The following ARHGAP31 variants were observed in gnomAD, a reference collection of about 807,000 sequenced individuals.
The protein encoded by ARHGAP31 is rho GTPase-activating protein 31.
In ARHGAP31, 34 loss-of-function variants were observed where a neutral mutation model predicts 113.9. That is an observed-to-expected ratio of 0.30 (90% confidence interval 0.23 to 0.40). ARHGAP31 has a LOEUF of 0.40. Ranked by LOEUF, ARHGAP31 falls within the 10% of genes least tolerant of loss-of-function variation. The probability of loss-of-function intolerance (pLI) is 1.00; values close to 1 mark genes in which losing one functional copy is unlikely to be tolerated. For missense variants in ARHGAP31, 1,548 were observed against 1,767.1 expected, an observed-to-expected ratio of 0.88 and a Z score of 2.22; for synonymous variants, 650 against 684.8, an observed-to-expected ratio of 0.95 and a Z score of 0.79.
At chr3:119,317,230 G>C (rs2079740675) in intron 1 of ARHGAP31, among the ~76,000 whole-genome samples, 1 of 151,504 alleles carries the variant, frequency 6.6e-6, no homozygotes. Flanking sequence ...CCAGGCTGGA[G>C]TGCAGTGGCG....
rs930662612 is a variant in ARHGAP31, at chr3:119,391,608, C to T, written c.881+625C>T. 1.3e-3 allele frequency among the ~76,000 whole-genome samples: 183 copies of T among 140,846 alleles called. 2 individuals are homozygous for T. The highest frequency in any genetic ancestry group is 4.9e-3 in the African/African-American group (175 of 36,004). The allele number at this position is 140,846 out of a possible 152,430, so 92.4% of individuals were successfully genotyped here. ...GTCTCTACCCCCCCCTCCCCCCCGC[C>T]GTCACTCATATCCCATAGTAGAAAG... On this transcript the variant is annotated intron_variant, in intron 7 of 11. Transcript: ENST00000264245.
chr3:119,332,653 ACACACACACACACACACACACACG>A (rs1419595321), intron 1 of ARHGAP31, among the ~76,000 whole-genome samples: 1 of 149,828 alleles, frequency 6.7e-6, no homozygotes, highest in African/African-American at 2.5e-5. Context: ...ACACACACAC[ACACACACACACACACACACACACG>A]CATGCACGCA....
At chr3:119,360,555 G>A (rs2080196812) in intron 1 of ARHGAP31, among the ~76,000 whole-genome samples, 1 of 152,180 alleles carries the variant, frequency 6.6e-6, no homozygotes, top group Admixed American at 6.5e-5. Flanking sequence ...TTCGAGAAAT[G>A]TTTGACTTCT....
At chr3:119,306,720 T>C (rs2079633372) in intron 1 of ARHGAP31, among the ~76,000 whole-genome samples, 1 of 152,156 alleles carries the variant, frequency 6.6e-6, no homozygotes, top group Non-Finnish European at 1.5e-5. Flanking sequence ...GGATTTTACT[T>C]TTGTTGGTCT....
In ARHGAP31 at chr3:119,387,870, A is replaced by G. The variant is rs577052117; in HGVS notation, c.683-2915A>G. 1.2e-4 allele frequency among the ~76,000 whole-genome samples: 19 copies of G among 152,358 alleles called. No homozygotes were observed. In the East Asian group the frequency reaches 3.1e-3, roughly 25 times the overall value. On this transcript the variant is annotated intron_variant, in intron 6 of 11. Coordinates refer to ENST00000264245, the MANE Select transcript of ARHGAP31 (RefSeq NM_020754.4). ...TTCAAAGACAATAAATACCAAGAAGAAAACATAGCAGAGTAAGGCAATAGT... is the reference window on the plus strand; with the variant it reads ...TTCAAAGACAATAAATACCAAGAAGGAAACATAGCAGAGTAAGGCAATAGT...
intron 1 of ARHGAP31, among the ~76,000 whole-genome samples, chr3:119,336,981 A>G (rs1175626106): frequency 6.6e-6 from 1 of 152,256 alleles, no homozygotes; most frequent in Non-Finnish European, 1.5e-5. Context: ...AGCTTATGTT[A>G]GTACTTAAGT....
intron 11 of ARHGAP31, among the ~76,000 whole-genome samples, chr3:119,412,220 C>T (rs1281078252): frequency 6.6e-6 from 1 of 152,032 alleles, no homozygotes; most frequent in African/African-American, 2.4e-5. Context: ...GAAACCCCAT[C>T]TCTACTAAAA....
Position 119,402,297 on chromosome 3 carries a change from G to C in ARHGAP31, c.1545G>C (p.Glu515Asp), listed in dbSNP as rs764766006. The C allele has an allele frequency of 1.2e-6, 2 of 1,614,264 alleles. No homozygotes were observed. The highest frequency in any genetic ancestry group is 1.1e-5 in the South Asian group (1 of 91,090). ...CGCCGTGCAGAACACCCCCGAAGGA[G>C]CTGCAGTCTCTTTCCAGCCTGGAAG... ...NSTPCRTPPK[E>D]LQSLSSLEEF... The change falls in exon 10 of 12, where the codon GAG (glutamate) becomes GAC (aspartate). Residue 515 changes from glutamate to aspartate, a missense_variant. By Grantham distance (45) the Glu-to-Asp change is conservative. Coordinates refer to ENST00000264245, the MANE Select transcript of ARHGAP31 (RefSeq NM_020754.4).
intron 11 of ARHGAP31, among the ~76,000 whole-genome samples, chr3:119,413,107 G>A (rs1227973114): frequency 1.3e-5 from 2 of 152,018 alleles, no homozygotes; most frequent in Non-Finnish European, 2.9e-5. Flanking sequence ...CACAAGGTCA[G>A]GAGTTTGAGA....
chr3:119,302,027 G>A (rs1247232408), intron 1 of ARHGAP31, among the ~76,000 whole-genome samples: 1 of 152,226 alleles, frequency 6.6e-6, no homozygotes, highest in Non-Finnish European at 1.5e-5. Context: ...TGCTTGCTGT[G>A]TATTTAAGCC....
intron 11 of ARHGAP31, among the ~76,000 whole-genome samples, chr3:119,413,494 A>G (rs775575701): frequency 2.0e-5 from 3 of 152,160 alleles, no homozygotes; most frequent in Non-Finnish European, 4.4e-5. Flanking sequence ...GCAACAGTGC[A>G]TACAGATTAG....
chr3:119,358,840 AG>A (rs1461689013), intron 1 of ARHGAP31, among the ~76,000 whole-genome samples: 1 of 152,184 alleles, frequency 6.6e-6, no homozygotes. Context: ...AGCTGGGAGA[AG>A]GGGAAATGGG....
chr3:119,323,863 T>C (rs181342763), intron 1 of ARHGAP31, among the ~76,000 whole-genome samples: 91 of 152,332 alleles, frequency 6.0e-4, no homozygotes, highest in Non-Finnish European at 1.5e-5. Context: ...CGCATCTCAG[T>C]CGCAGTGCTG....
At chr3:119,309,611 T>G (rs2079661123) in intron 1 of ARHGAP31, among the ~76,000 whole-genome samples, 1 of 151,910 alleles carries the variant, frequency 6.6e-6, no homozygotes, top group Non-Finnish European at 1.5e-5. Context: ...AATACAAATA[T>G]TAGCCAGGCA....
rs571287047 is a variant in ARHGAP31, at chr3:119,350,617, A to G, written c.101-14699A>G. Among the ~76,000 whole-genome samples, 16 of 152,304 alleles carry G rather than the reference A, an allele frequency of 1.1e-4. No homozygotes were observed. In the South Asian group the frequency reaches 2.7e-3, roughly 26 times the overall value. On this transcript the variant is annotated intron_variant, in intron 1 of 11. Transcript: ENST00000264245. Reference sequence around the variant, plus strand: ...TGCAGAGAGGACCTTCAGATGAACTAGGCGTCTTTTAGAGCTAAGTCCCTG... The same window carrying G: ...TGCAGAGAGGACCTTCAGATGAACTGGGCGTCTTTTAGAGCTAAGTCCCTG...
chr3:119,415,949 G>C lies in ARHGAP31; in HGVS notation c.4020G>C (p.Arg1340Ser). The change falls in exon 12 of 12, where the codon AGG (arginine) becomes AGC (serine). Residue 1340 changes from arginine (R) to serine (S), a missense_variant. Transcript: ENST00000264245. ...SGGSKPFHRSRPGRPQSLILF... is the reference protein window; with the variant it reads ...SGGSKPFHRSSPGRPQSLILF... ...GTTCTAAGCCTTTCCACAGGTCAAGGCCAGGAAGACCTCAGAGCCTAATCT... is the reference window on the plus strand; with the variant it reads ...GTTCTAAGCCTTTCCACAGGTCAAGCCCAGGAAGACCTCAGAGCCTAATCT... 3 of 1,614,132 alleles carry C rather than the reference G, an allele frequency of 1.9e-6. No homozygotes were observed. The highest frequency in any genetic ancestry group is 2.5e-6 in the Non-Finnish European group (3 of 1,180,006).
chr3:119,386,512 A>G (rs2080449597), intron 6 of ARHGAP31, among the ~76,000 whole-genome samples: 1 of 152,194 alleles, frequency 6.6e-6, no homozygotes, highest in Non-Finnish European at 1.5e-5. Flanking sequence ...CACCTCCTAA[A>G]GACCTCACCT....
chr3:119,363,206 TGAGA>T (rs145986321), intron 1 of ARHGAP31, among the ~76,000 whole-genome samples: 11 of 151,870 alleles, frequency 7.2e-5, no homozygotes, highest in African/African-American at 2.4e-4. Context: ...ACAGGGATTT[TGAGA>T]GAGAGAGAGA....
At chr3:119,341,289 G>A (rs1379160858) in intron 1 of ARHGAP31, among the ~76,000 whole-genome samples, 1 of 152,302 alleles carries the variant, frequency 6.6e-6, no homozygotes, top group African/African-American at 2.4e-5. Context: ...AAAAGCTTCA[G>A]TGAGGACATG....
Sources: allele counts gnomAD v4.1 joint callset (sites outside exome capture counted in the v4.1 genomes callset), GRCh38; gene constraint gnomAD v4.1.1; transcripts MANE v1.5; gene names NCBI Gene and HGNC (gene_info 2026-07-23, HGNC 2026-07-21).